MYCBP2: variants seen among roughly 807,000 people sequenced by gnomAD.
MYCBP2 encodes MYC binding protein 2.
Under a neutral mutation model 525.3 loss-of-function variants are expected in MYCBP2, and 120 were observed. The ratio of observed to expected loss-of-function variants is 0.23; its 90% CI spans 0.20 to 0.27. The LOEUF is 0.27. Ranked by LOEUF, MYCBP2 falls within the 10% of genes least tolerant of loss-of-function variation. The pLI, the probability that MYCBP2 is intolerant of heterozygous loss-of-function variation, is 1.00. For missense variants in MYCBP2, 4,149 were observed against 5,657.1 expected (o/e 0.73, Z 8.55); for synonymous variants, 1,894 against 1,955.8 (o/e 0.97, Z 0.83).
At chr13:77,121,711 T>C (rs572738332) in intron 54 of MYCBP2, among the ~76,000 whole-genome samples, 2 of 152,330 alleles carry the variant, frequency 1.3e-5, no homozygotes, top group Non-Finnish European at 2.9e-5. Flanking sequence ...CAGTGAAATT[T>C]AGAAATGAGA....
chr13:77,083,657 C>T (rs149313090), intron 62 of MYCBP2, among the ~76,000 whole-genome samples: 16 of 152,176 alleles, frequency 1.1e-4, no homozygotes, highest in African/African-American at 3.4e-4. Context: ...CTCCTTTCTA[C>T]GCAAATGGAC....
intron 18 of MYCBP2, among the ~76,000 whole-genome samples, chr13:77,227,073 G>A (rs2066381013): frequency 6.6e-6 from 1 of 152,050 alleles, no homozygotes; most frequent in Admixed American, 6.6e-5. Flanking sequence ...GAGGCTGAAG[G>A]CACGTTGAAG....
At chr13:77,270,192 C>G (rs2074682617) in intron 6 of MYCBP2, 104 bp downstream of exon 6, 3 of 1,438,328 alleles carry the variant, frequency 2.1e-6, no homozygotes, top group African/African-American at 2.9e-5. Context: ...TATTATTACA[C>G]TAAAATTAGA....
intron 63 of MYCBP2, 34 bp downstream of exon 63, chr13:77,082,998 C>T: frequency 1.3e-6 from 2 of 1,574,744 alleles, no homozygotes; most frequent in Non-Finnish European, 1.7e-6. Flanking sequence ...CTCTCTTGTC[C>T]AATGTACCTA....
At chr13:77,203,670 A>G (rs1006762832) in intron 26 of MYCBP2, among the ~76,000 whole-genome samples, 3 of 152,214 alleles carry the variant, frequency 2.0e-5, no homozygotes, top group African/African-American at 7.2e-5. Flanking sequence ...AGTAACCAAA[A>G]CAGCATGGTA....
intron 55 of MYCBP2, among the ~76,000 whole-genome samples, chr13:77,105,235 T>C (rs1345595615): frequency 6.6e-6 from 1 of 151,936 alleles, no homozygotes; most frequent in Non-Finnish European, 1.5e-5. Flanking sequence ...GAAGCACACA[T>C]AAAACAGAAA....
intron 21 of MYCBP2, among the ~76,000 whole-genome samples, chr13:77,213,736 GA>G (rs1445902529): frequency 1.3e-5 from 2 of 152,174 alleles, no homozygotes; most frequent in East Asian, 3.8e-4. Flanking sequence ...GCTGGGACTG[GA>G]GGACAATGAC....
At chr13:77,144,801 C>A (rs977723319) in intron 48 of MYCBP2, among the ~76,000 whole-genome samples, 1 of 152,126 alleles carries the variant, frequency 6.6e-6, no homozygotes, top group Non-Finnish European at 1.5e-5. Flanking sequence ...TTCTGTGAGA[C>A]AATAAGCAAT....
At chr13:77,179,519 G>A (rs1043385234) in intron 34 of MYCBP2, among the ~76,000 whole-genome samples, 2 of 152,132 alleles carry the variant, frequency 1.3e-5, no homozygotes, top group African/African-American at 4.8e-5. Context: ...CATAATATTT[G>A]AGACTTTGAA....
At chr13:77,285,791 A>C (rs2076669083) in intron 3 of MYCBP2, among the ~76,000 whole-genome samples, 1 of 151,960 alleles carries the variant, frequency 6.6e-6, no homozygotes, top group African/African-American at 2.4e-5. Context: ...CGTGAAAGAA[A>C]GGAAAGGAAA....
Position 77,096,336 on chromosome 13 carries a change from T to G in MYCBP2, c.9930A>C (p.Glu3310Asp). 1.2e-6 allele frequency: 2 copies of G among 1,613,290 alleles called. No homozygotes were observed. Among genetic ancestry groups the G allele is most frequent in the Non-Finnish European group, 1.7e-6 (2 of 1,179,488 alleles). The change falls in exon 57 of 83, where the codon GAA (glutamate) becomes GAC (aspartate). Residue 3310 changes from glutamate (E) to aspartate (D), a missense_variant. This residue lies in a region of MYCBP2 where 509 missense variants were observed against 789.4 expected (regional missense o/e 0.64). Transcript: ENST00000544440. ...CDRCREKYLR[E>D]KQAAAREKVK... ...CCTTCTCCCTTGCAGCAGCCTGTTTTTCGCGGAGGTATTTTTCTCTACAGC... is the reference window on the plus strand; with the variant it reads ...CCTTCTCCCTTGCAGCAGCCTGTTTGTCGCGGAGGTATTTTTCTCTACAGC...
At chr13:77,260,613 T>G (rs748468000) in intron 12 of MYCBP2, 21 bp from the exon 13 acceptor site, 1 of 1,556,286 alleles carries the variant, frequency 6.4e-7, no homozygotes, top group East Asian at 2.3e-5. Flanking sequence ...GAAATTAGAT[T>G]AAATCAAGAC....
At chr13:77,217,670 A>C (rs1351477316) in intron 21 of MYCBP2, among the ~76,000 whole-genome samples, 170 bp downstream of exon 21, 1 of 152,174 alleles carries the variant, frequency 6.6e-6, no homozygotes, top group African/African-American at 2.4e-5. Context: ...ACTTCAAAGA[A>C]TATCATTCAG....
chr13:77,251,386 A>G (rs757408544), intron 14 of MYCBP2, 31 bp from the exon 15 acceptor site: 1 of 1,585,126 alleles, frequency 6.3e-7, no homozygotes. Flanking sequence ...TAATTTTTAT[A>G]CAGGTTACTT....
At chr13:77,127,936 A>G (rs1436194620) in intron 52 of MYCBP2, among the ~76,000 whole-genome samples, 2 of 151,916 alleles carry the variant, frequency 1.3e-5, no homozygotes, top group Non-Finnish European at 2.9e-5. Flanking sequence ...AATATGTACT[A>G]AGAAAAATTA....
At chr13:77,287,455 G>T (rs1842958701) in intron 3 of MYCBP2, among the ~76,000 whole-genome samples, 1 of 152,206 alleles carries the variant, frequency 6.6e-6, no homozygotes, top group Admixed American at 6.5e-5. Flanking sequence ...AAAGTGCTGG[G>T]ATTACAGGTG....
chr13:77,320,897 T>G (rs769843691), intron 1 of MYCBP2, among the ~76,000 whole-genome samples: 21 of 152,176 alleles, frequency 1.4e-4, no homozygotes, highest in Non-Finnish European at 2.6e-4. Flanking sequence ...AGGAGCTAGA[T>G]TTATATGACA....
At chr13:77,179,863 T>C (rs976861674) in intron 34 of MYCBP2, among the ~76,000 whole-genome samples, 1 of 152,068 alleles carries the variant, frequency 6.6e-6, no homozygotes, top group African/African-American at 2.4e-5. Flanking sequence ...GTGGTGGGCT[T>C]GTGCAATGGG....
intron 3 of MYCBP2, among the ~76,000 whole-genome samples, chr13:77,281,847 C>T (rs2076220135): frequency 6.6e-6 from 1 of 152,108 alleles, no homozygotes; most frequent in Admixed American, 6.5e-5. Context: ...ATTCTTTACC[C>T]TTAAAAATTG....
Sources: gnomAD v4.1 joint callset for allele counts (sites outside exome capture counted in the v4.1 genomes callset) on GRCh38, gnomAD v4.1.1 for gene constraint, gnomAD v4.1.1 regional missense constraint, MANE v1.5 for transcripts, NCBI Gene and HGNC (gene_info 2026-07-23, HGNC 2026-07-21) for gene names.